Variants in CNTN6 observed in about 807,000 individuals in gnomAD.
CNTN6 encodes contactin 6.
CNTN6 carries 137 observed loss-of-function variants against 122.8 expected under a neutral mutation model. That is an observed-to-expected ratio of 1.12 (90% CI 0.97 to 1.29). The LOEUF (loss-of-function observed/expected upper bound fraction) is 1.29, where lower values mean the gene tolerates loss of function less well. CNTN6 is among the 50% of genes most tolerant of loss of function. The pLI is 0.00. For missense variants in CNTN6, 1,634 were observed against 1,223.4 expected, an observed-to-expected ratio of 1.34 and a Z score of -5.01; for synonymous variants, 570 against 426.0, an observed-to-expected ratio of 1.34 and a Z score of -4.16.
intron 2 of CNTN6, among the ~76,000 whole-genome samples, chr3:1,211,419 G>A (rs2094036222): frequency 6.6e-6 from 1 of 152,122 alleles, no homozygotes; most frequent in African/African-American, 2.4e-5. Flanking sequence ...CTGCACTTTT[G>A]TAGTTCTGGA....
chr3:1,122,326 A>G (rs555691196), intron 1 of CNTN6, among the ~76,000 whole-genome samples: 4 of 149,852 alleles, frequency 2.7e-5, no homozygotes, highest in African/African-American at 1.0e-4. Context: ...AAGGAAAGAA[A>G]GAAGGGAGGG....
At chr3:1,286,589 G>A (rs1055384642) in intron 5 of CNTN6, among the ~76,000 whole-genome samples, 1 of 152,188 alleles carries the variant, frequency 6.6e-6, no homozygotes, top group Non-Finnish European at 1.5e-5. Context: ...TAAAGAAAAT[G>A]TGACAGTCTA....
chr3:1,156,911 C>T (rs1326191114), intron 2 of CNTN6, among the ~76,000 whole-genome samples: 1 of 151,990 alleles, frequency 6.6e-6, no homozygotes, highest in East Asian at 1.9e-4. Flanking sequence ...GAGACTGCCT[C>T]TCACTGTGTT....
intron 20 of CNTN6, among the ~76,000 whole-genome samples, chr3:1,387,734 G>T (rs1056467823): frequency 4.6e-5 from 7 of 152,208 alleles, no homozygotes; most frequent in East Asian, 1.9e-4. Context: ...GCAGGGCGAG[G>T]CATTGCCTCA....
intron 5 of CNTN6, among the ~76,000 whole-genome samples, chr3:1,294,918 A>AC (rs1448904749): frequency 2.0e-5 from 3 of 152,094 alleles, no homozygotes; most frequent in African/African-American, 7.2e-5. Flanking sequence ...GTTTGGTTTT[A>AC]CACTAAGACC....
At chr3:1,256,590 C>G (rs2094762741) in intron 4 of CNTN6, among the ~76,000 whole-genome samples, 1 of 152,112 alleles carries the variant, frequency 6.6e-6, no homozygotes, top group South Asian at 2.1e-4. Flanking sequence ...TGAGAATTAT[C>G]TACATATAAA....
At chr3:1,177,881 C>T (rs1411315643) in intron 2 of CNTN6, among the ~76,000 whole-genome samples, 2 of 147,082 alleles carry the variant, frequency 1.4e-5, no homozygotes, top group Admixed American at 7.0e-5. Context: ...GTTTCTTAAA[C>T]TCCCCCTGCC....
chr3:1,387,781 A>T (rs997586496), intron 20 of CNTN6, among the ~76,000 whole-genome samples: 1 of 151,912 alleles, frequency 6.6e-6, no homozygotes, highest in African/African-American at 2.4e-5. Flanking sequence ...TTCCCTTTCC[A>T]AGTCAAAGAA....
At chr3:1,142,844 G>T (rs573393112) in intron 1 of CNTN6, among the ~76,000 whole-genome samples, 12 of 151,730 alleles carry the variant, frequency 7.9e-5, no homozygotes, top group Middle Eastern at 3.4e-3. Context: ...GTACGAATTC[G>T]TATGTATTTC....
At chr3:1,239,017 C>T (rs895087627) in intron 4 of CNTN6, among the ~76,000 whole-genome samples, 2 of 152,106 alleles carry the variant, frequency 1.3e-5, no homozygotes, top group Admixed American at 1.3e-4. Context: ...AACACCTTCA[C>T]ATGCATAAAC....
At chr3:1,110,961 C>G (rs555759949) in intron 1 of CNTN6, among the ~76,000 whole-genome samples, 6 of 152,214 alleles carry the variant, frequency 3.9e-5, no homozygotes, top group African/African-American at 1.4e-4. Context: ...TCAGATGAAC[C>G]ACTTACTACA....
intron 1 of CNTN6, among the ~76,000 whole-genome samples, chr3:1,102,909 C>A (rs559707586): frequency 2.7e-4 from 41 of 150,786 alleles, no homozygotes; most frequent in African/African-American, 9.5e-4. Flanking sequence ...AGATCGAGAC[C>A]ATCCTGGCTA....
chr3:1,396,217 A>G (rs1346868926), intron 20 of CNTN6, among the ~76,000 whole-genome samples: 5 of 152,060 alleles, frequency 3.3e-5, no homozygotes, highest in African/African-American at 1.2e-4. Flanking sequence ...AAACTTACTG[A>G]TCTTCTAAAG....
At chr3:1,396,997 C>A (rs987972675) in intron 20 of CNTN6, among the ~76,000 whole-genome samples, 7 of 152,152 alleles carry the variant, frequency 4.6e-5, no homozygotes, top group South Asian at 2.1e-4. Flanking sequence ...CTCACATTTA[C>A]CAAAATCTCT....
At chr3:1,098,783 C>CATAT (rs1330153033) in intron 1 of CNTN6, among the ~76,000 whole-genome samples, 21 of 54,088 alleles carry the variant, frequency 3.9e-4, no homozygotes, top group East Asian at 1.2e-3. Context: ...CACACACACA[C>CATAT]ACACACATAT....
rs2093322097 is a variant in CNTN6 at position 1,169,521 on chromosome 3, G to A, written c.55+21458G>A. Among the ~76,000 whole-genome samples the A allele has an allele frequency of 3.9e-5, 6 of 152,266 alleles. 1 individual carries two copies. In the South Asian group the frequency reaches 8.3e-4, roughly 21 times the overall value. On this transcript the variant is annotated intron_variant, in intron 2 of 22. Transcript: ENST00000446702. The stretch of plus-strand genomic sequence containing the variant: ...TATTCATCTTTCTTCAGCATAAACC[G>A]TATTTAACGAGGGGCTAGAAAAATA...
chr3:1,390,001 T>A (rs984351704), intron 20 of CNTN6, among the ~76,000 whole-genome samples: 1 of 151,376 alleles, frequency 6.6e-6, no homozygotes, highest in African/African-American at 2.4e-5. Flanking sequence ...GACAGATCAA[T>A]GAGACAGAAA....
intron 20 of CNTN6, among the ~76,000 whole-genome samples, chr3:1,387,749 G>C (rs1213252978): frequency 6.6e-6 from 1 of 151,348 alleles, no homozygotes; most frequent in East Asian, 1.9e-4. Context: ...GCCTCACTTG[G>C]GAAGCGCAAG....
chr3:1,292,586 C>T (rs1359666927), intron 5 of CNTN6, among the ~76,000 whole-genome samples: 1 of 152,124 alleles, frequency 6.6e-6, no homozygotes, highest in Non-Finnish European at 1.5e-5. Flanking sequence ...TTCTAATGTA[C>T]ATCAGGTGTG....
Sources: allele counts gnomAD v4.1 joint callset (sites outside exome capture counted in the v4.1 genomes callset), GRCh38; gene constraint gnomAD v4.1.1; transcripts MANE v1.5; gene names NCBI Gene and HGNC (gene_info 2026-07-23, HGNC 2026-07-21).